The following PRELID2 variants were observed in gnomAD, a reference collection of about 807,000 sequenced individuals.
PRELID2 encodes PRELI domain containing 2.
In PRELID2, 25 loss-of-function variants were observed where a neutral mutation model predicts 28.4. The observed-to-expected ratio is 0.88, with a 90% confidence interval of 0.64 to 1.23. The LOEUF (loss-of-function observed/expected upper bound fraction) is 1.23. PRELID2 is among the 50% of genes most tolerant of loss of function. The pLI is 0.00. For missense variants in PRELID2, 201 were observed against 214.4 expected (o/e 0.94, Z 0.39); for synonymous variants, 76 against 71.6 (o/e 1.06, Z -0.31).
rs926322187 is a variant in PRELID2, at chr5:145,758,264, A to G, written c.*2272T>C. Among the ~76,000 whole-genome samples, 5 of 152,194 alleles carry G rather than the reference A, an allele frequency of 3.3e-5. No homozygotes were observed. The highest frequency in any genetic ancestry group is 7.3e-5 in the Non-Finnish European group (5 of 68,038). On this transcript the variant is annotated 3_prime_UTR_variant, in exon 7 of 7. Transcript: ENST00000683046. The stretch of plus-strand genomic sequence containing the variant: ...GCACTGTGCTGGAACCGGGCACACA[A>G]GGCAGAAATTCAACCTCTCTGTGCC...
chr5:145,661,680 A>C (rs1754497021), intron 1 of PRELID2, among the ~76,000 whole-genome samples: 1 of 151,068 alleles, frequency 6.6e-6, no homozygotes. Flanking sequence ...AAAAAAAAAA[A>C]AAAAAAAAAC....
At chr5:145,467,684 T>C (rs994708994), downstream of PRELID2, among the ~76,000 whole-genome samples, 1 of 151,756 alleles carries the variant, frequency 6.6e-6, no homozygotes, top group Non-Finnish European at 1.5e-5. Context: ...GGGGAATTCC[T>C]AGCAATTCAT....
At chr5:145,336,816 C>T in the PRELID2 span, among the ~76,000 whole-genome samples, 5 of 151,842 alleles carry the variant, frequency 3.3e-5, no homozygotes, top group South Asian at 2.1e-4. Context: ...TTTGTAGGGA[C>T]ATGGATGAAA....
chr5:145,812,265 GA>G (rs1019484719), intron 4 of PRELID2, among the ~76,000 whole-genome samples: 64 of 144,760 alleles, frequency 4.4e-4, no homozygotes, highest in Middle Eastern at 3.5e-3. Context: ...ATCCAAACTT[GA>G]AAAAAAAAAA....
intron 1 of PRELID2, among the ~76,000 whole-genome samples, chr5:145,690,763 G>A (rs1204240555): frequency 1.3e-5 from 2 of 152,094 alleles, no homozygotes; most frequent in Admixed American, 6.5e-5. Context: ...TATAGCCCCT[G>A]TTTCTTGCAC....
the PRELID2 span, among the ~76,000 whole-genome samples, chr5:145,432,901 G>C: frequency 6.6e-6 from 1 of 151,934 alleles, no homozygotes; most frequent in South Asian, 2.1e-4. Flanking sequence ...GTTCAATGTA[G>C]GGGATTTATA....
At chr5:145,659,981 T>C (rs372360642) in intron 1 of PRELID2, among the ~76,000 whole-genome samples, 35 of 152,248 alleles carry the variant, frequency 2.3e-4, no homozygotes, top group Middle Eastern at 3.4e-3. Context: ...AGCTCTAATA[T>C]TAATAATAGT....
chr5:145,237,488 T>C, the PRELID2 span, among the ~76,000 whole-genome samples: 2 of 152,124 alleles, frequency 1.3e-5, no homozygotes, highest in Non-Finnish European at 2.9e-5. Flanking sequence ...TAGTCATTTC[T>C]AATCTCAACA....
At chr5:145,700,788 G>A (rs181892422) in intron 1 of PRELID2, among the ~76,000 whole-genome samples, 1 of 152,228 alleles carries the variant, frequency 6.6e-6, no homozygotes, top group East Asian at 1.9e-4. Context: ...ACCAATATCG[G>A]TTCCACCTGC....
chr5:145,811,133 C>T (rs1229011184), intron 4 of PRELID2, among the ~76,000 whole-genome samples: 1 of 144,584 alleles, frequency 6.9e-6, no homozygotes, highest in African/African-American at 2.6e-5. Flanking sequence ...TGCCAGGGAA[C>T]CCCCCTTTAT....
the PRELID2 span, among the ~76,000 whole-genome samples, chr5:145,250,973 C>A: frequency 8.0e-4 from 121 of 152,076 alleles, no homozygotes; most frequent in Admixed American, 2.4e-3. Context: ...AGTGCCTTTG[C>A]AATCAGAAAA....
chr5:145,624,660 A>G (rs1461198191), intron 1 of PRELID2, among the ~76,000 whole-genome samples: 1 of 152,246 alleles, frequency 6.6e-6, no homozygotes, highest in Non-Finnish European at 1.5e-5. Context: ...AATAGAGAAT[A>G]TATGTATAAA....
intron 1 of PRELID2, among the ~76,000 whole-genome samples, chr5:145,695,782 G>A (rs550050920): frequency 1.5e-4 from 23 of 152,186 alleles, no homozygotes; most frequent in Middle Eastern, 3.2e-3. Context: ...ATGACCCAGA[G>A]TGAGCAAGGA....
intron 1 of PRELID2, among the ~76,000 whole-genome samples, chr5:145,588,292 A>T (rs986264542): frequency 1.3e-5 from 2 of 152,288 alleles, no homozygotes; most frequent in East Asian, 3.9e-4. Flanking sequence ...GAAACCATCC[A>T]GACTGTTCAC....
intron 1 of PRELID2, among the ~76,000 whole-genome samples, chr5:145,520,578 C>T (rs1752555469): frequency 6.6e-6 from 1 of 152,180 alleles, no homozygotes; most frequent in Non-Finnish European, 1.5e-5. Context: ...ATACACCCAT[C>T]CCATGTCTTT....
intron 6 of PRELID2, among the ~76,000 whole-genome samples, chr5:145,763,785 A>G (rs1471337334): frequency 6.6e-6 from 1 of 152,174 alleles, no homozygotes; most frequent in Admixed American, 6.5e-5. Flanking sequence ...GATGTTAAAA[A>G]CCTAAGGCCT....
chr5:145,675,001 C>T (rs1266323511), intron 1 of PRELID2, among the ~76,000 whole-genome samples: 3 of 151,308 alleles, frequency 2.0e-5, no homozygotes, highest in African/African-American at 7.3e-5. Flanking sequence ...AATGTTTGAA[C>T]TTGGGAGTAG....
chr5:145,275,927 T>G, the PRELID2 span, among the ~76,000 whole-genome samples: 1 of 152,000 alleles, frequency 6.6e-6, no homozygotes, highest in African/African-American at 2.4e-5. Context: ...ATAAGTGGAG[T>G]TAAATGAGTG....
chr5:145,299,768 CT>C, the PRELID2 span, among the ~76,000 whole-genome samples: 1 of 151,698 alleles, frequency 6.6e-6, no homozygotes. Context: ...TCATTGGGGA[CT>C]GCAAAATGGT....
Sources: allele counts gnomAD v4.1 joint callset (sites outside exome capture counted in the v4.1 genomes callset), GRCh38; gene constraint gnomAD v4.1.1; transcripts MANE v1.5; gene names NCBI Gene and HGNC (gene_info 2026-07-23, HGNC 2026-07-21).